The following CDC37 variants were observed in gnomAD, a reference collection of about 807,000 sequenced individuals.
CDC37 encodes cell division cycle 37, HSP90 cochaperone, also known as hsp90 co-chaperone Cdc37.
Under a neutral mutation model 46.9 loss-of-function variants are expected in CDC37, and 9 were observed. The observed-to-expected ratio is 0.19, with a 90% confidence interval of 0.12 to 0.33. CDC37 has a LOEUF of 0.33. Among genes scored for constraint, CDC37 ranks in the 10% least tolerant of loss-of-function variants. CDC37 has a pLI of 1.00. For missense variants in CDC37, 388 were observed against 514.6 expected (o/e 0.75, Z 2.38); for synonymous variants, 193 against 191.0 (o/e 1.01, Z -0.09).
chr19:10,393,602 G>A lies in CDC37; in HGVS notation c.727-161C>T, dbSNP rs542591991. The A allele has an allele frequency of 3.9e-5, 27 of 692,518 alleles. No homozygotes were observed. Among genetic ancestry groups the A allele is most frequent in the Middle Eastern group, 4.1e-4 (1 of 2,436 alleles). 42.9% of individuals were successfully genotyped at this position (692,518 alleles called of 1,614,324 possible). On this transcript the variant is annotated intron_variant, in intron 5 of 7. Coordinates refer to ENST00000222005, the MANE Select transcript of CDC37 (RefSeq NM_007065.4). This position sits in a 1 kb window ranked among gnomAD's most constrained non-coding sequence, Gnocchi z 4.9. Reference sequence around the variant, plus strand: ...TCCCCAAGGCCTGGGCTCCCCCGCCGGGGACCTCATCTGGCATTTGCCAAA... The same window carrying A: ...TCCCCAAGGCCTGGGCTCCCCCGCCAGGGACCTCATCTGGCATTTGCCAAA...
At position 10,396,287 on chromosome 19, in the gene CDC37, G is replaced by C; in HGVS notation, c.103-84C>G. The C allele has an allele frequency of 6.8e-7, 1 of 1,472,450 alleles. No homozygotes were observed. The highest frequency in any genetic ancestry group is 9.2e-7 in the Non-Finnish European group (1 of 1,089,404). The allele number at this position is 1,472,450 out of a possible 1,614,324, so 91.2% of individuals were successfully genotyped here. On this transcript the variant is annotated intron_variant, in intron 1 of 7. Coordinates refer to ENST00000222005, the MANE Select transcript of CDC37 (RefSeq NM_007065.4). The surrounding 1 kb of genome is among the most constrained non-coding windows in gnomAD (Gnocchi z 5.9). ...ATACCCAATCCCTGCACCGGAGATGGCCCCAGGAAAAAGTACGCGTCCACC... is the reference window on the plus strand; with the variant it reads ...ATACCCAATCCCTGCACCGGAGATGCCCCCAGGAAAAAGTACGCGTCCACC...
At chr19:10,392,954 G>T (rs1243632826) in intron 7 of CDC37, 132 bp downstream of exon 7, 1 of 753,104 alleles carries the variant, frequency 1.3e-6, no homozygotes, top group Middle Eastern at 3.5e-4. Context: ...GTGCCAAGGT[G>T]ACACGACCCC....
At chr19:10,403,318 G>T in intron 1 of CDC37, 60 bp downstream of exon 1, 1 of 1,285,340 alleles carries the variant, frequency 7.8e-7, no homozygotes, top group Non-Finnish European at 1.1e-6. Context: ...GCAGTATCGG[G>T]GATCACAACT....
At position 10,399,257 on chromosome 19, in the gene CDC37, T is replaced by A. The variant is rs2042506100; in HGVS notation, c.103-3054A>T. On this transcript the variant is annotated intron_variant, in intron 1 of 7. Coordinates refer to ENST00000222005, the MANE Select transcript of CDC37 (RefSeq NM_007065.4). ...GCCGAAGCGGGTGGATCACCTGAGG[T>A]CAGGAGTTTGAAACCAGCCTGGCCA... is the stretch of plus-strand genomic sequence containing the variant. 2.0e-5 allele frequency among the ~76,000 whole-genome samples: 3 copies of A among 151,170 alleles called. No homozygotes were observed. In the South Asian group the frequency reaches 6.3e-4, roughly 32 times the overall value.
chr19:10,398,331 C>T lies in CDC37; in HGVS notation c.103-2128G>A, dbSNP rs771017986. 6.6e-6 allele frequency among the ~76,000 whole-genome samples: 1 copy of T among 152,174 alleles called. No homozygotes were observed. The highest frequency in any genetic ancestry group is 1.5e-5 in the Non-Finnish European group (1 of 68,036). On this transcript the variant is annotated intron_variant, in intron 1 of 7. Transcript: ENST00000222005. This position sits in a 1 kb window ranked among gnomAD's most constrained non-coding sequence, Gnocchi z 4.2. ...GCGGTTCCCTTACCTGCTTTTGCAC[C>T]CAAAACTCAGCTTCAACAGAGCCTT...
chr19:10,399,442 C>T (rs927650216), intron 1 of CDC37, among the ~76,000 whole-genome samples: 3 of 125,240 alleles, frequency 2.4e-5, no homozygotes, highest in Non-Finnish European at 4.7e-5. Flanking sequence ...CCAGCCTGGG[C>T]GACAGAGCAT....
At chr19:10,401,466 G>A (rs2145421280) in intron 1 of CDC37, among the ~76,000 whole-genome samples, 1 of 152,308 alleles carries the variant, frequency 6.6e-6, no homozygotes. Context: ...CACCCGGCAG[G>A]ACCAAACCAT....
chr19:10,393,003 C>T lies in CDC37; in HGVS notation c.981+83G>A, dbSNP rs1219839965. On this transcript the variant is annotated intron_variant, in intron 7 of 7. Coordinates refer to ENST00000222005, the MANE Select transcript of CDC37 (RefSeq NM_007065.4). The surrounding 1 kb of genome is among the most constrained non-coding windows in gnomAD (Gnocchi z 4.9). ...AGAAGCCTTGGAGGGGCACTTTCAC[C>T]AGCCGGCTTCAGAGACTTGGGACAC... The T allele has an allele frequency of 5.3e-6, 7 of 1,318,676 alleles. No individual in the cohort carries two copies. The Admixed American group carries it at 1.2e-4, about 22-fold the overall frequency. 81.7% of individuals were successfully genotyped at this position (1,318,676 alleles called of 1,614,324 possible). A position where few individuals can be genotyped will look rare whatever the true frequency, so the allele number is the denominator to read the frequency against.
At chr19:10,394,220 C>T (rs1568354217) in intron 5 of CDC37, among the ~76,000 whole-genome samples, 3 of 152,260 alleles carry the variant, frequency 2.0e-5, no homozygotes, top group African/African-American at 2.4e-5. Flanking sequence ...GCTGAGATCA[C>T]GCCACTGCAT....
chr19:10,399,403 G>A (rs1334065063), intron 1 of CDC37, among the ~76,000 whole-genome samples: 1 of 140,384 alleles, frequency 7.1e-6, no homozygotes, highest in Non-Finnish European at 1.5e-5. Context: ...GGCAGAAGTT[G>A]TAGTGAGCTG....
intron 1 of CDC37, among the ~76,000 whole-genome samples, chr19:10,399,612 G>A (rs2042508125): frequency 6.6e-6 from 1 of 151,318 alleles, no homozygotes; most frequent in South Asian, 2.1e-4. Flanking sequence ...GACCAGCCTA[G>A]GCAACATAGT....
rs907324307 is a variant in CDC37, at chr19:10,398,273, C to T, written c.103-2070G>A. On this transcript the variant is annotated intron_variant, in intron 1 of 7. Coordinates refer to ENST00000222005, the MANE Select transcript of CDC37 (RefSeq NM_007065.4). The surrounding 1 kb of genome is among the most constrained non-coding windows in gnomAD (Gnocchi z 4.2). The stretch of plus-strand genomic sequence containing the variant: ...TGGCCCTCATCGTTCCCCGAAAGTA[C>T]GGGCTCTGTCTTGCCTCTTGGCCTC... 3.9e-5 allele frequency among the ~76,000 whole-genome samples: 6 copies of T among 152,220 alleles called. No homozygotes were observed. The highest frequency in any genetic ancestry group is 2.1e-4 in the South Asian group (1 of 4,834).
Position 10,393,331 on chromosome 19 carries a change from C to T in CDC37, c.837G>A (p.Glu279=). 5.0e-6 allele frequency: 8 copies of T among 1,614,080 alleles called. No homozygotes were observed. The highest frequency in any genetic ancestry group is 1.7e-5 in the Admixed American group (1 of 60,026). ...CGAGCCGCTTCTTGCGCTCCTCCTC[C>T]TCGTACTCCTTCATGGCCTTCTCGA... ...LRIEKAMKEY[E]EEERKKRLGP... Residue 279 remains glutamate, a synonymous_variant, in exon 6 of 8, where the codon GAG becomes GAA. Coordinates refer to ENST00000222005, the MANE Select transcript of CDC37 (RefSeq NM_007065.4). The surrounding 1 kb of genome is among the most constrained non-coding windows in gnomAD (Gnocchi z 4.9).
At chr19:10,397,979 G>C (rs983253881) in intron 1 of CDC37, among the ~76,000 whole-genome samples, 14 of 152,202 alleles carry the variant, frequency 9.2e-5, no homozygotes, top group African/African-American at 3.4e-4. Context: ...CCTCTCCTGA[G>C]ACCCCTGCGT....
At chr19:10,402,789 G>C (rs2145422203) in intron 1 of CDC37, among the ~76,000 whole-genome samples, 1 of 152,278 alleles carries the variant, frequency 6.6e-6, no homozygotes, top group African/African-American at 2.4e-5. Context: ...CTCTAGGAAG[G>C]GGGTCCTGGG....
In CDC37 at chr19:10,391,638, C is replaced by T; in HGVS notation, c.1050G>A (p.Glu350=). The change falls in exon 8 of 8, where the codon GAG becomes GAA. Residue 350 remains glutamate (E), a synonymous_variant. Coordinates refer to ENST00000222005, the MANE Select transcript of CDC37 (RefSeq NM_007065.4). ...GACCTGCCTCCTCTCCCTCCTTGGC[C>T]TCGCTGGCCTTAGAGTTGGGGACCC... ...GLWVPNSKAS[E]AKEGEEAGPG... 1 of 1,614,204 alleles carries T rather than the reference C, an allele frequency of 6.2e-7. No individual in the cohort carries two copies. Among genetic ancestry groups the T allele is most frequent in the South Asian group, 1.1e-5 (1 of 91,086 alleles).
rs753442513 is a variant in CDC37, at chr19:10,391,718, AG to A, written c.982-13del. ...TGGTACTTTGCGTCCTGTGAGGAGA[AG>A]GCAGGCAGATGAGGTGGGGCCGCCA... On this transcript the variant is annotated splice_polypyrimidine_tract_variant and intron_variant, in intron 7 of 7. Coordinates refer to ENST00000222005, the MANE Select transcript of CDC37 (RefSeq NM_007065.4). 6.2e-7 allele frequency: 1 copy of A among 1,609,244 alleles called. No individual in the cohort carries two copies. The highest frequency in any genetic ancestry group is 8.5e-7 in the Non-Finnish European group (1 of 1,177,224).
chr19:10,397,344 A>C (rs1456150974), intron 1 of CDC37, among the ~76,000 whole-genome samples: 1 of 147,430 alleles, frequency 6.8e-6, no homozygotes, highest in African/African-American at 2.5e-5. Context: ...TGCAGCCTTG[A>C]TCTCCCAGGC....
In CDC37 at chr19:10,395,876, G is replaced by T. The variant is rs952661336; in HGVS notation, c.378+52C>A. The T allele has an allele frequency of 2.3e-5, 37 of 1,581,228 alleles. No individual in the cohort carries two copies. The East Asian group carries it at 8.1e-4, about 35-fold the overall frequency. On this transcript the variant is annotated intron_variant, in intron 2 of 7. Coordinates refer to ENST00000222005, the MANE Select transcript of CDC37 (RefSeq NM_007065.4). ...CATTGGGTGCGCATGCGTCCTGGTT[G>T]CAGGCTCTCTGGCTGCGCATGCGCA...
Sources: allele counts gnomAD v4.1 joint callset (sites outside exome capture counted in the v4.1 genomes callset), GRCh38; gene constraint gnomAD v4.1.1; non-coding constraint Gnocchi (gnomAD v3.1); transcripts MANE v1.5; gene names NCBI Gene and HGNC (gene_info 2026-07-23, HGNC 2026-07-21).